CAST: variants seen among roughly 807,000 people sequenced by gnomAD.
The protein encoded by CAST is MIR583 host.
Under a neutral mutation model 119.6 loss-of-function variants are expected in CAST, and 76 were observed. The ratio of observed to expected loss-of-function variants is 0.64; its 90% CI spans 0.53 to 0.77. The LOEUF is 0.77. CAST is among the 30% of genes least tolerant of loss of function. The pLI is 0.00. For missense variants in CAST, 953 were observed against 946.5 expected, an observed-to-expected ratio of 1.01 and a Z score of -0.09; for synonymous variants, 319 against 331.6, an observed-to-expected ratio of 0.96 and a Z score of 0.41.
intron 1 of CAST, among the ~76,000 whole-genome samples, chr5:96,590,255 T>A (rs1324932251): frequency 6.6e-6 from 1 of 152,214 alleles, no homozygotes; most frequent in Non-Finnish European, 1.5e-5. Flanking sequence ...GAATATGCAT[T>A]TTTAGTGAGA....
At chr5:96,210,144 T>C in the CAST span, 3 of 151,952 alleles carry the variant, frequency 2.0e-5, no homozygotes, top group East Asian at 5.8e-4. Flanking sequence ...GCCTCATGAA[T>C]ATGTGTGTCA....
the CAST span, among the ~76,000 whole-genome samples, chr5:96,109,174 T>G: frequency 6.6e-6 from 1 of 152,210 alleles, no homozygotes; most frequent in African/African-American, 2.4e-5. Flanking sequence ...AATGCAGAAA[T>G]CACCCGTCTT....
chr5:96,766,988 T>C (rs1050587586), intron 27 of CAST, among the ~76,000 whole-genome samples: 3 of 152,194 alleles, frequency 2.0e-5, no homozygotes, highest in African/African-American at 7.2e-5. Context: ...CTTCCCACTT[T>C]GATAGTACCA....
the CAST span, among the ~76,000 whole-genome samples, chr5:96,304,848 T>A: frequency 1.3e-5 from 2 of 152,234 alleles, no homozygotes. Flanking sequence ...TTTTGGTTAC[T>A]GTAGCCTTGT....
chr5:96,038,988 A>G, the CAST span, among the ~76,000 whole-genome samples: 1 of 152,152 alleles, frequency 6.6e-6, no homozygotes, highest in Non-Finnish European at 1.5e-5. Context: ...ATCCCCACCA[A>G]CAGTGTAAAA....
chr5:96,769,208 G>T (rs1236029083), intron 29 of CAST: 1 of 152,154 alleles, frequency 6.6e-6, no homozygotes, highest in East Asian at 1.9e-4. Flanking sequence ...TGAATTGTCA[G>T]CCCTTCCATA....
chr5:96,037,743 T>C, the CAST span, among the ~76,000 whole-genome samples: 1 of 152,152 alleles, frequency 6.6e-6, no homozygotes, highest in Non-Finnish European at 1.5e-5. Flanking sequence ...CTCTGTAGGT[T>C]GACCAGGCTC....
the CAST span, among the ~76,000 whole-genome samples, chr5:96,494,171 G>A: frequency 6.6e-6 from 1 of 152,180 alleles, no homozygotes. Context: ...CCATTCCCCA[G>A]ATAACAAGAA....
the CAST span, among the ~76,000 whole-genome samples, chr5:96,451,448 A>G: frequency 6.6e-6 from 1 of 152,214 alleles, no homozygotes; most frequent in African/African-American, 2.4e-5. Context: ...ATATGTGGAA[A>G]ACTGAAACTG....
intron 1 of CAST, among the ~76,000 whole-genome samples, chr5:96,557,650 G>T (rs1746271446): frequency 6.6e-6 from 1 of 152,154 alleles, no homozygotes; most frequent in African/African-American, 2.4e-5. Context: ...AACAAGAAGA[G>T]CTAACTGTCC....
At chr5:96,118,484 T>G in the CAST span, among the ~76,000 whole-genome samples, 6 of 152,150 alleles carry the variant, frequency 3.9e-5, no homozygotes, top group African/African-American at 1.4e-4. Context: ...TCCACTGTGC[T>G]GAGCAAAAAA....
chr5:96,694,754 T>G (rs1580998193), intron 2 of CAST, among the ~76,000 whole-genome samples: 1 of 152,194 alleles, frequency 6.6e-6, no homozygotes, highest in African/African-American at 2.4e-5. Flanking sequence ...CAACTGTGTA[T>G]TTTACTTTTC....
chr5:96,266,366 A>C, the CAST span, among the ~76,000 whole-genome samples: 1 of 152,130 alleles, frequency 6.6e-6, no homozygotes, highest in African/African-American at 2.4e-5. Flanking sequence ...CCCTGCTTGA[A>C]CCCACAGGAA....
chr5:96,240,574 A>G, the CAST span, among the ~76,000 whole-genome samples: 1 of 151,550 alleles, frequency 6.6e-6, no homozygotes, highest in Admixed American at 6.6e-5. Flanking sequence ...TATTATTATT[A>G]TTTTTTAGAG....
chr5:96,001,547 G>A, the CAST span, among the ~76,000 whole-genome samples: 1 of 152,296 alleles, frequency 6.6e-6, no homozygotes, highest in South Asian at 2.1e-4. Context: ...AGAAATAAAA[G>A]AGAAAGGCAC....
At chr5:95,962,233 G>A in the CAST span, among the ~76,000 whole-genome samples, 3 of 152,242 alleles carry the variant, frequency 2.0e-5, no homozygotes, top group Non-Finnish European at 4.4e-5. Flanking sequence ...GTCAGAATTG[G>A]GGAATCTCGC....
At chr5:96,079,064 G>A in the CAST span, 1 of 447,226 alleles carries the variant, frequency 2.2e-6, no homozygotes. Context: ...TAACAAACCT[G>A]TATATGTACC....
At chr5:96,715,180 C>T (rs1418744882) in intron 3 of CAST, 1 of 152,136 alleles carries the variant, frequency 6.6e-6, no homozygotes, top group Non-Finnish European at 1.5e-5. Flanking sequence ...AATGTACAGC[C>T]TACTCTGCCA....
At chr5:96,221,268 G>C in the CAST span, among the ~76,000 whole-genome samples, 63 of 152,176 alleles carry the variant, frequency 4.1e-4, 1 homozygote, top group African/African-American at 1.5e-3. Flanking sequence ...CCTAGCCAGA[G>C]CAATCAGGCA....
Sources: allele counts gnomAD v4.1 joint callset (sites outside exome capture counted in the v4.1 genomes callset), GRCh38; gene constraint gnomAD v4.1.1; transcripts MANE v1.5; gene names NCBI Gene and HGNC (gene_info 2026-07-23, HGNC 2026-07-21).